Variants in NIPBL observed in about 807,000 individuals in gnomAD.
NIPBL encodes the protein nipped-B-like protein.
A neutral mutation model predicts 321.8 loss-of-function variants in NIPBL; 19 were observed. The ratio of observed to expected loss-of-function variants is 0.06; its 90% CI spans 0.04 to 0.09. The LOEUF (loss-of-function observed/expected upper bound fraction) is 0.09. NIPBL is among the 10% of genes least tolerant of loss of function. The pLI is 1.00. For synonymous variants in NIPBL, 1,106 were observed against 1,114.1 expected (o/e 0.99, Z 0.14); for missense variants, 2,210 against 3,327.0 (o/e 0.66, Z 8.26).
intron 1 of NIPBL, among the ~76,000 whole-genome samples, chr5:36,949,471 ATAT>A (rs947087512): frequency 6.6e-6 from 1 of 151,890 alleles, no homozygotes; most frequent in Non-Finnish European, 1.5e-5. Context: ...TAGAACTGTA[ATAT>A]TAGCACCTCA....
intron 15 of NIPBL, 143 bp from the exon 16 acceptor site, chr5:37,003,118 T>C: frequency 1.8e-6 from 1 of 563,480 alleles, no homozygotes; most frequent in Non-Finnish European, 3.2e-6. Flanking sequence ...GTAGAAGTTC[T>C]AAGTGGGAAA....
intron 1 of NIPBL, among the ~76,000 whole-genome samples, chr5:36,890,810 T>C (rs1030650928): frequency 2.0e-5 from 3 of 152,214 alleles, no homozygotes; most frequent in African/African-American, 7.2e-5. Context: ...AGAAAAGTAA[T>C]GTCTAGGTAA....
rs769022116 is a variant in NIPBL, at chr5:36,955,599, G to C, written c.192G>C (p.Gln64His). 2.5e-6 allele frequency: 4 copies of C among 1,613,960 alleles called. No individual in the cohort carries two copies. The highest frequency in any genetic ancestry group is 2.5e-6 in the Non-Finnish European group (3 of 1,179,928). Residue 64 changes from glutamine (Q) to histidine (H), a missense_variant, in exon 3 of 47, where the codon CAG becomes CAC. Around this residue, in one of 14 missense-constraint regions of NIPBL, gnomAD observed 464 missense variants for 529.5 expected, o/e 0.88. Coordinates refer to ENST00000282516, the MANE Select transcript of NIPBL (RefSeq NM_133433.4). Reference protein sequence around the residue: ...LACRDDNLVSQLVHSLNQVST... With the variant: ...LACRDDNLVSHLVHSLNQVST... Reference sequence around the variant, plus strand: ...GTAGGGATGACAATTTGGTTTCACAGCTTGTCCATAGCCTCAACCAGGTAT... The same window carrying C: ...GTAGGGATGACAATTTGGTTTCACACCTTGTCCATAGCCTCAACCAGGTAT...
chr5:37,032,478 A>G (rs1751180517), intron 32 of NIPBL, among the ~76,000 whole-genome samples: 1 of 150,372 alleles, frequency 6.7e-6, no homozygotes. Flanking sequence ...TCTTAAAGGT[A>G]GGATCCAGGA....
intron 1 of NIPBL, among the ~76,000 whole-genome samples, chr5:36,942,432 TAAAAAAAA>T (rs33935189): frequency 1.5e-4 from 9 of 59,782 alleles, no homozygotes; most frequent in East Asian, 5.3e-4. Context: ...ACTCTGTCTT[TAAAAAAAA>T]AAAAAAAAAA....
Position 36,996,991 on chromosome 5 carries a change from T to C in NIPBL, c.3304+1187T>C, listed in dbSNP as rs1255064342. The C allele has an allele frequency of 6.5e-6, 1 of 152,940 alleles. No individual in the cohort carries two copies. The highest frequency in any genetic ancestry group is 1.5e-5 in the Non-Finnish European group (1 of 68,638). The allele number at this position is 152,940 out of a possible 1,614,324, so 9.5% of individuals were successfully genotyped here. A position where few individuals can be genotyped will look rare whatever the true frequency, so the allele number is the denominator to read the frequency against. The stretch of plus-strand genomic sequence containing the variant: ...AAAGTTTTAAAATTGAAATAAAATA[T>C]ACAGCAAACTTAACATTTAATCATG... On this transcript the variant is annotated intron_variant, in intron 11 of 46. Transcript: ENST00000282516. This position sits in a 1 kb window ranked among gnomAD's most constrained non-coding sequence, Gnocchi z 5.0.
At chr5:36,923,708 G>A (rs1749130678) in intron 1 of NIPBL, among the ~76,000 whole-genome samples, 1 of 152,142 alleles carries the variant, frequency 6.6e-6, no homozygotes, top group South Asian at 2.1e-4. Context: ...TGTAATGTCT[G>A]TATTAGATAC....
Position 36,971,032 on chromosome 5 carries a change from G to A in NIPBL, c.767G>A (p.Ser256Asn). Residue 256 changes from serine to asparagine, a missense_variant, in exon 7 of 47, where the codon AGT becomes AAT. This residue lies in a region of NIPBL where 464 missense variants were observed against 529.5 expected (regional missense o/e 0.88). Coordinates refer to ENST00000282516, the MANE Select transcript of NIPBL (RefSeq NM_133433.4). ...DYLHMVHRLS[S>N]DDGDSSTMRN... is the part of the protein sequence containing the mutation. ...CTACACATGGTGCACAGGCTAAGTA[G>A]TGACGTATGTAATATATTATCATTA... is the stretch of plus-strand genomic sequence containing the variant. The A allele has an allele frequency of 6.2e-7, 1 of 1,610,312 alleles. No homozygotes were observed. The highest frequency in any genetic ancestry group is 8.5e-7 in the Non-Finnish European group (1 of 1,176,710).
chr5:36,883,275 A>G (rs991229467), intron 1 of NIPBL, among the ~76,000 whole-genome samples: 4 of 151,902 alleles, frequency 2.6e-5, no homozygotes, highest in Non-Finnish European at 4.4e-5. Context: ...GCATATACCA[A>G]TTTCCTTTGA....
intron 4 of NIPBL, 138 bp downstream of exon 4, chr5:36,958,369 A>G (rs1741220094): frequency 2.6e-6 from 2 of 767,126 alleles, no homozygotes; most frequent in East Asian, 5.5e-5. Flanking sequence ...GAAGGAAACT[A>G]AACTGATAAG....
intron 2 of NIPBL, among the ~76,000 whole-genome samples, chr5:36,954,229 G>GGCATACTTTTCTTTGGATA (rs1275219705): frequency 6.6e-6 from 1 of 152,080 alleles, no homozygotes; most frequent in African/African-American, 2.4e-5. Flanking sequence ...GTGAGAGGAT[G>GGCATACTTTTCTTTGGATA]GCATACTTTT....
rs1014474495 is a variant in NIPBL, at chr5:37,066,377, C to G, written c.*1485C>G. ...GGAAGAATGACATTGCCACAAAATA[C>G]CTTTTTGTGACACCTATTAAACCAC... On this transcript the variant is annotated 3_prime_UTR_variant, in exon 47 of 47. Transcript: ENST00000282516. 9 of 152,228 alleles carry G rather than the reference C, an allele frequency of 5.9e-5. No individual in the cohort carries two copies. The South Asian group carries it at 1.7e-3, about 28-fold the overall frequency. 9.4% of individuals were successfully genotyped at this position (152,228 alleles called of 1,614,324 possible).
chr5:37,010,028 G>T (rs1747921037), intron 20 of NIPBL, 59 bp from the exon 21 acceptor site: 1 of 1,309,126 alleles, frequency 7.6e-7, no homozygotes, highest in Non-Finnish European at 1.1e-6. Flanking sequence ...TCAGACAATA[G>T]ATGACATTTA....
At chr5:37,007,603 T>C in intron 18 of NIPBL, 129 bp downstream of exon 18, 1 of 638,460 alleles carries the variant, frequency 1.6e-6, no homozygotes, top group Non-Finnish European at 2.7e-6. Context: ...GTATGTTATA[T>C]CTAAATCGAA....
At chr5:37,051,924 T>C (rs749220296) in intron 41 of NIPBL, 38 bp downstream of exon 41, 1 of 1,435,052 alleles carries the variant, frequency 7.0e-7, no homozygotes, top group South Asian at 1.2e-5. Flanking sequence ...AATTTAAACA[T>C]TTTTCTTGAG....
intron 11 of NIPBL, 80 bp from the exon 12 acceptor site, chr5:37,000,293 A>G (rs1580435947): frequency 7.3e-7 from 1 of 1,378,040 alleles, no homozygotes; most frequent in Non-Finnish European, 1.0e-6. Flanking sequence ...TTTTTTCCCC[A>G]TGTGATTCAT....
At chr5:36,899,613 C>T (rs1302166528) in intron 1 of NIPBL, among the ~76,000 whole-genome samples, 15 of 152,336 alleles carry the variant, frequency 9.8e-5, no homozygotes, top group Middle Eastern at 3.4e-3. Flanking sequence ...AAATAAATGA[C>T]TGCCTCCAAA....
At position 36,985,267 on chromosome 5, in the gene NIPBL, C is replaced by T. The variant is rs763785383; in HGVS notation, c.2087C>T (p.Thr696Ile). ...NKQNNGRSET[T>I]KSRPETPKQK... ...CAAAATAATGGCAGATCAGAAACAA[C>T]AAAATCAAGGCCTGAAACCCCAAAG... The change falls in exon 10 of 47, where the codon ACA becomes ATA. Residue 696 changes from threonine to isoleucine, a missense_variant. Coordinates refer to ENST00000282516, the MANE Select transcript of NIPBL (RefSeq NM_133433.4). The T allele has an allele frequency of 9.3e-6, 15 of 1,613,550 alleles. No homozygotes were observed. The highest frequency in any genetic ancestry group is 1.2e-5 in the Non-Finnish European group (14 of 1,179,902).
At chr5:36,998,986 C>T (rs190342092) in intron 11 of NIPBL, among the ~76,000 whole-genome samples, 1 of 152,264 alleles carries the variant, frequency 6.6e-6, no homozygotes, top group East Asian at 1.9e-4. Context: ...CTATCCAAGC[C>T]TGTGACTGTA....
Sources: gnomAD v4.1 joint callset for allele counts (sites outside exome capture counted in the v4.1 genomes callset) on GRCh38, gnomAD v4.1.1 for gene constraint, gnomAD v4.1.1 regional missense constraint, Gnocchi (gnomAD v3.1) non-coding constraint, MANE v1.5 for transcripts, NCBI Gene and HGNC (gene_info 2026-07-23, HGNC 2026-07-21) for gene names.